NDUFS4: variants seen among roughly 807,000 people sequenced by gnomAD.
NDUFS4 encodes the protein NADH dehydrogenase [ubiquinone] iron-sulfur protein 4, mitochondrial.
NDUFS4 carries 28 observed loss-of-function variants against 24.3 expected under a neutral mutation model. The ratio of observed to expected loss-of-function variants is 1.15; its 90% CI spans 0.85 to 1.58. NDUFS4 has a LOEUF of 1.58. Ranked by LOEUF, NDUFS4 falls within the 40% of genes most tolerant of loss-of-function variation. The pLI is 0.00. For synonymous variants in NDUFS4, 93 were observed against 69.7 expected, an observed-to-expected ratio of 1.34 and a Z score of -1.67; for missense variants, 223 against 207.9, an observed-to-expected ratio of 1.07 and a Z score of -0.45.
rs1006714021 is a variant in NDUFS4 at position 53,648,927 on chromosome 5, A to G, written c.350+2522A>G. Reference sequence around the variant, plus strand: ...GTACAAGGGTGGTTGTGGTAGGTAGAATTCTAAGATGCCCCAGGATATCTG... The same window carrying G: ...GTACAAGGGTGGTTGTGGTAGGTAGGATTCTAAGATGCCCCAGGATATCTG... On this transcript the variant is annotated intron_variant, in intron 3 of 4. Transcript: ENST00000296684. Among the ~76,000 whole-genome samples the G allele has an allele frequency of 7.9e-5, 12 of 152,286 alleles. 3 individuals carry two copies. The highest frequency in any genetic ancestry group is 7.8e-4 in the Admixed American group (12 of 15,290).
At chr5:53,620,597 G>A (rs1005441394) in intron 2 of NDUFS4, among the ~76,000 whole-genome samples, 6 of 152,082 alleles carry the variant, frequency 3.9e-5, no homozygotes, top group Non-Finnish European at 8.8e-5. Flanking sequence ...ATTTTATAAA[G>A]CATTATAACA....
intron 3 of NDUFS4, among the ~76,000 whole-genome samples, chr5:53,655,623 A>G (rs998206695): frequency 6.6e-6 from 1 of 151,948 alleles, no homozygotes; most frequent in Admixed American, 6.5e-5. Flanking sequence ...TATTCAAACA[A>G]TTAATATAGA....
At chr5:53,582,479 T>C (rs1411751753) in intron 1 of NDUFS4, among the ~76,000 whole-genome samples, 1 of 152,122 alleles carries the variant, frequency 6.6e-6, no homozygotes. Context: ...CCAGTTCAGC[T>C]CACATGTACA....
At chr5:53,663,512 G>T (rs1579932877) in intron 4 of NDUFS4, among the ~76,000 whole-genome samples, 1 of 152,170 alleles carries the variant, frequency 6.6e-6, no homozygotes, top group South Asian at 2.1e-4. Context: ...GAATCTGGGT[G>T]CTCCTGTATT....
chr5:53,652,067 C>G (rs1238642059), intron 3 of NDUFS4, among the ~76,000 whole-genome samples: 3 of 152,054 alleles, frequency 2.0e-5, no homozygotes, highest in South Asian at 2.1e-4. Context: ...GCCACCGTGC[C>G]CGGCCAACTT....
intron 1 of NDUFS4, among the ~76,000 whole-genome samples, chr5:53,580,870 G>C (rs1749546752): frequency 1.4e-5 from 2 of 141,812 alleles, no homozygotes; most frequent in South Asian, 4.5e-4. Flanking sequence ...TTTCGCTCTT[G>C]TTACCCAGGC....
At chr5:53,600,191 G>A (rs528037783) in intron 1 of NDUFS4, among the ~76,000 whole-genome samples, 2 of 152,036 alleles carry the variant, frequency 1.3e-5, no homozygotes, top group South Asian at 4.2e-4. Flanking sequence ...TGGAGACTGG[G>A]TTTCTCCACG....
At chr5:53,621,564 CTAA>C (rs1268939396) in intron 2 of NDUFS4, among the ~76,000 whole-genome samples, 2 of 151,864 alleles carry the variant, frequency 1.3e-5, no homozygotes, top group East Asian at 3.9e-4. Flanking sequence ...CTGCCATGAA[CTAA>C]TAATGTATTA....
At chr5:53,662,802 TC>T (rs1752386387) in intron 4 of NDUFS4, among the ~76,000 whole-genome samples, 3 of 152,120 alleles carry the variant, frequency 2.0e-5, no homozygotes, top group African/African-American at 7.2e-5. Flanking sequence ...TATAGTATAT[TC>T]TCTGGTGGTA....
intron 2 of NDUFS4, among the ~76,000 whole-genome samples, chr5:53,615,240 A>G (rs1750806885): frequency 6.6e-6 from 1 of 152,018 alleles, no homozygotes; most frequent in South Asian, 2.1e-4. Context: ...AATTAATCCA[A>G]ATACTTAAAC....
intron 4 of NDUFS4, among the ~76,000 whole-genome samples, chr5:53,672,188 A>C (rs1232772814): frequency 6.6e-6 from 1 of 152,080 alleles, no homozygotes; most frequent in Non-Finnish European, 1.5e-5. Flanking sequence ...GTAACCTCTT[A>C]TGAGGGTCTC....
chr5:53,671,030 G>A (rs1021446124), intron 4 of NDUFS4, among the ~76,000 whole-genome samples: 1 of 151,652 alleles, frequency 6.6e-6, no homozygotes, highest in Non-Finnish European at 1.5e-5. Flanking sequence ...ATACTCTAGA[G>A]ATGCTATAAG....
chr5:53,657,834 A>G (rs1752208036), intron 3 of NDUFS4, among the ~76,000 whole-genome samples: 1 of 151,810 alleles, frequency 6.6e-6, no homozygotes, highest in South Asian at 2.1e-4. Flanking sequence ...CTGAGGCACG[A>G]GAATTGCTTG....
Position 53,683,058 on chromosome 5 carries a change from C to G in NDUFS4, c.425-60C>G, listed in dbSNP as rs564809492. The G allele has an allele frequency of 5.4e-6, 6 of 1,121,350 alleles. No individual in the cohort carries two copies. In the African/African-American group the frequency reaches 7.7e-5, roughly 14 times the overall value. The allele number at this position is 1,121,350 out of a possible 1,614,324, so 69.5% of individuals were successfully genotyped here. ...TAAAAGCTAGCCTCTGCTTGCTGTG[C>G]TTTTCAGGTATCCTCTTTAATTCTG... is the stretch of plus-strand genomic sequence containing the variant. On this transcript the variant is annotated intron_variant, in intron 4 of 4. Transcript: ENST00000296684.
intron 4 of NDUFS4, among the ~76,000 whole-genome samples, chr5:53,668,590 C>T (rs974212433): frequency 2.6e-5 from 4 of 151,258 alleles, no homozygotes; most frequent in African/African-American, 7.3e-5. Context: ...TCCTGGACTA[C>T]AGGCATGCAC....
intron 1 of NDUFS4, among the ~76,000 whole-genome samples, chr5:53,583,912 C>CA (rs1749656090): frequency 6.6e-6 from 1 of 152,160 alleles, no homozygotes; most frequent in Admixed American, 6.5e-5. Context: ...ATAATAAGTA[C>CA]AAAATGTGTG....
chr5:53,642,164 G>A (rs1751725383), intron 2 of NDUFS4, among the ~76,000 whole-genome samples: 1 of 152,090 alleles, frequency 6.6e-6, no homozygotes, highest in South Asian at 2.1e-4. Flanking sequence ...GGGGCAACCG[G>A]AAGTAATTAC....
Position 53,568,296 on chromosome 5 carries a change from G to GC in NDUFS4, c.98+7542dup, listed in dbSNP as rs572697294. 1.5e-3 allele frequency among the ~76,000 whole-genome samples: 233 copies of GC among 151,892 alleles called. No individual in the cohort carries two copies. In the South Asian group the frequency reaches 0.016, roughly 10 times the overall value. Reference sequence around the variant, plus strand: ...GGTGCCTAAAAAATTCAGATGCCTTGCCCCCCAGTCTATATTGGTTCAGTA... The same window carrying GC: ...GGTGCCTAAAAAATTCAGATGCCTTGCCCCCCCAGTCTATATTGGTTCAGTA... On this transcript the variant is annotated intron_variant, in intron 1 of 4. Coordinates refer to ENST00000296684, the MANE Select transcript of NDUFS4 (RefSeq NM_002495.4).
intron 2 of NDUFS4, among the ~76,000 whole-genome samples, chr5:53,606,888 T>G (rs1352731030): frequency 1.3e-5 from 2 of 152,234 alleles, no homozygotes; most frequent in Non-Finnish European, 2.9e-5. Context: ...CCTATGCATA[T>G]TCTCCCATAT....
Sources: gnomAD v4.1 joint callset for allele counts (sites outside exome capture counted in the v4.1 genomes callset) on GRCh38, gnomAD v4.1.1 for gene constraint, MANE v1.5 for transcripts, NCBI Gene and HGNC (gene_info 2026-07-23, HGNC 2026-07-21) for gene names.